Variants in SORCS3 observed in about 807,000 individuals in gnomAD.
The protein encoded by SORCS3 is VPS10 domain-containing receptor SorCS3.
A neutral mutation model predicts 146.3 loss-of-function variants in SORCS3; 57 were observed. That is an observed-to-expected ratio of 0.39 (90% CI 0.31 to 0.49). SORCS3 has a LOEUF of 0.49. Among genes scored for constraint, SORCS3 ranks in the 20% least tolerant of loss-of-function variants. SORCS3 has a pLI of 0.92. For synonymous variants in SORCS3, 653 were observed against 618.5 expected, an observed-to-expected ratio of 1.06 and a Z score of -0.83; for missense variants, 1,341 against 1,575.5, an observed-to-expected ratio of 0.85 and a Z score of 2.52.
intron 5 of SORCS3, among the ~76,000 whole-genome samples, chr10:105,084,705 G>A (rs1404553079): frequency 2.0e-5 from 3 of 151,762 alleles, no homozygotes; most frequent in East Asian, 1.9e-4. Flanking sequence ...GCAATTAAGC[G>A]TGTCCAGCTA....
chr10:105,104,685 C>A (rs1251765952), intron 6 of SORCS3, among the ~76,000 whole-genome samples: 1 of 152,142 alleles, frequency 6.6e-6, no homozygotes, highest in Non-Finnish European at 1.5e-5. Flanking sequence ...ATTTCTTTGC[C>A]TAAAAGTAAT....
At chr10:104,817,719 C>A (rs1446987590) in intron 1 of SORCS3, among the ~76,000 whole-genome samples, 1 of 130,100 alleles carries the variant, frequency 7.7e-6, no homozygotes, top group African/African-American at 2.9e-5. Context: ...TCCCTCCCCT[C>A]CTCCTCTTCC....
At chr10:105,106,531 A>G (rs11595276) in intron 7 of SORCS3, among the ~76,000 whole-genome samples, 19,238 of 152,204 alleles carry the variant, frequency 0.13, 1,616 homozygotes, top group Middle Eastern at 0.19. Context: ...TGGTGATGAT[A>G]TTTTATACAC....
chr10:104,704,632 G>T (rs76271306), intron 1 of SORCS3, among the ~76,000 whole-genome samples: 2,159 of 152,292 alleles, frequency 0.014, 45 homozygotes, highest in African/African-American at 0.045. Flanking sequence ...TCTGCAGAAT[G>T]AATGTGAAAA....
chr10:105,139,260 A>G (rs2056078452), intron 7 of SORCS3, 137 bp from the exon 8 acceptor site: 2 of 684,334 alleles, frequency 2.9e-6, no homozygotes, highest in Admixed American at 4.2e-5. Flanking sequence ...GGGATTAGAG[A>G]CCCAAAGCCA....
intron 4 of SORCS3, among the ~76,000 whole-genome samples, chr10:105,004,208 G>T (rs1409488217): frequency 6.6e-6 from 1 of 152,200 alleles, no homozygotes; most frequent in Non-Finnish European, 1.5e-5. Flanking sequence ...GCCAGAGCAG[G>T]ATGGACAGAG....
chr10:105,222,279 G>C (rs921649597), intron 19 of SORCS3, among the ~76,000 whole-genome samples: 3 of 151,890 alleles, frequency 2.0e-5, no homozygotes, highest in African/African-American at 7.3e-5. Flanking sequence ...GGCTGGTCTT[G>C]AACTCCTACC....
At chr10:104,867,309 ATTT>A (rs1258978078) in intron 2 of SORCS3, among the ~76,000 whole-genome samples, 1 of 138,300 alleles carries the variant, frequency 7.2e-6, no homozygotes. Context: ...CCAGTGTACA[ATTT>A]TTTTTTTTTT....
At chr10:104,980,531 G>A (rs1188524008) in intron 4 of SORCS3, among the ~76,000 whole-genome samples, 1 of 152,182 alleles carries the variant, frequency 6.6e-6, no homozygotes, top group African/African-American at 2.4e-5. Context: ...TCAGACTAGA[G>A]CCTTCTCTGA....
Position 105,245,549 on chromosome 10 carries a change from T to C in SORCS3, c.2876T>C (p.Ile959Thr). The C allele has an allele frequency of 6.2e-7, 1 of 1,614,120 alleles. No homozygotes were observed. The highest frequency in any genetic ancestry group is 1.3e-5 in the African/African-American group (1 of 75,052). Residue 959 changes from isoleucine (I) to threonine (T), a missense_variant, in exon 21 of 27, where the codon ATC becomes ACC. Ile to Thr is a moderately conservative substitution (Grantham distance 89, BLOSUM62 -1). Transcript: ENST00000369701. Reference sequence around the variant, plus strand: ...TGTTACTTCTTCTTGTAGCCTCTCATCACTTTGGACAGCAGCATTTCCTTC... The same window carrying C: ...TGTTACTTCTTCTTGTAGCCTCTCACCACTTTGGACAGCAGCATTTCCTTC... ...WWFGNSTKPLITLDSSISFTF... is the reference protein window; with the variant it reads ...WWFGNSTKPLTTLDSSISFTF...
At chr10:104,651,683 G>A (rs1335672171) in intron 1 of SORCS3, among the ~76,000 whole-genome samples, 1 of 152,068 alleles carries the variant, frequency 6.6e-6, no homozygotes, top group African/African-American at 2.4e-5. Flanking sequence ...TCCCCAGCCT[G>A]GGTGACAGAG....
intron 11 of SORCS3, among the ~76,000 whole-genome samples, chr10:105,162,051 C>T (rs1055567085): frequency 6.6e-6 from 1 of 152,214 alleles, no homozygotes; most frequent in Non-Finnish European, 1.5e-5. Context: ...GCTTCCTCCC[C>T]AACTGAGCCT....
chr10:104,904,224 A>G (rs758863697), intron 2 of SORCS3, among the ~76,000 whole-genome samples: 1 of 152,226 alleles, frequency 6.6e-6, no homozygotes, highest in Non-Finnish European at 1.5e-5. Flanking sequence ...TTTGGCGTCA[A>G]TGTGTATGTC....
intron 1 of SORCS3, among the ~76,000 whole-genome samples, chr10:104,684,873 A>G (rs1260641719): frequency 7.7e-6 from 1 of 129,576 alleles, no homozygotes; most frequent in Admixed American, 9.4e-5. Flanking sequence ...GCTGGAGTAC[A>G]GTGGCATGAT....
chr10:104,750,311 G>T (rs2016969158), intron 1 of SORCS3, among the ~76,000 whole-genome samples: 1 of 152,160 alleles, frequency 6.6e-6, no homozygotes, highest in Non-Finnish European at 1.5e-5. Context: ...AAAATAAGCA[G>T]AATGGACCTC....
chr10:105,220,310 C>A (rs946907965), intron 19 of SORCS3, among the ~76,000 whole-genome samples: 1 of 152,174 alleles, frequency 6.6e-6, no homozygotes, highest in Non-Finnish European at 1.5e-5. Context: ...ATAAATGCAA[C>A]CATGAGTGAT....
chr10:104,692,919 C>G (rs1317253433), intron 1 of SORCS3, among the ~76,000 whole-genome samples: 9 of 152,310 alleles, frequency 5.9e-5, no homozygotes, highest in Non-Finnish European at 1.5e-5. Context: ...CTGCTGAGGG[C>G]TGGCCCAAAG....
At chr10:105,149,166 A>G (rs115766358) in intron 9 of SORCS3, among the ~76,000 whole-genome samples, 1 of 152,166 alleles carries the variant, frequency 6.6e-6, no homozygotes, top group Non-Finnish European at 1.5e-5. Context: ...ACCCAGTCTC[A>G]TAGTATCTTT....
At chr10:104,852,348 T>C (rs77632608) in intron 2 of SORCS3, among the ~76,000 whole-genome samples, 6,510 of 152,222 alleles carry the variant, frequency 0.043, 434 homozygotes, top group African/African-American at 0.14. Context: ...TTTCCTGGCC[T>C]TACAGATTTG....
Sources: allele counts gnomAD v4.1 joint callset (sites outside exome capture counted in the v4.1 genomes callset), GRCh38; gene constraint gnomAD v4.1.1; transcripts MANE v1.5; gene names NCBI Gene and HGNC (gene_info 2026-07-23, HGNC 2026-07-21).